VIT: variants seen among roughly 807,000 people sequenced by gnomAD.
VIT encodes the protein vitrin.
VIT carries 99 observed loss-of-function variants against 78.0 expected under a neutral mutation model. That is an observed-to-expected ratio of 1.27 (90% CI 1.08 to 1.50). The LOEUF (loss-of-function observed/expected upper bound fraction) is 1.50. Among genes scored for constraint, VIT ranks in the 40% most tolerant of loss-of-function variants. The pLI, the probability that VIT is intolerant of heterozygous loss-of-function variation, is 0.00. For synonymous variants in VIT, 374 were observed against 334.3 expected (o/e 1.12, Z -1.29); for missense variants, 1,126 against 875.3 (o/e 1.29, Z -3.61).
intron 1 of VIT, among the ~76,000 whole-genome samples, chr2:36,699,514 G>A (rs1664889285): frequency 2.0e-5 from 1 of 49,596 alleles, no homozygotes; most frequent in African/African-American, 4.6e-5. Flanking sequence ...AATTAGAGGG[G>A]GTTATATATA....
At chr2:36,768,068 G>A (rs375506109) in intron 7 of VIT, among the ~76,000 whole-genome samples, 2 of 152,136 alleles carry the variant, frequency 1.3e-5, no homozygotes, top group African/African-American at 2.4e-5. Flanking sequence ...CTGCCACATA[G>A]CATGACCCTT....
At chr2:36,800,511 C>G (rs530363778) in intron 12 of VIT, among the ~76,000 whole-genome samples, 119 of 152,302 alleles carry the variant, frequency 7.8e-4, no homozygotes, top group African/African-American at 2.7e-3. Context: ...GCATGGAGCC[C>G]TGTGTGACTG....
At chr2:36,711,537 T>A (rs1665797547) in intron 1 of VIT, among the ~76,000 whole-genome samples, 1 of 152,170 alleles carries the variant, frequency 6.6e-6, no homozygotes, top group Admixed American at 6.5e-5. Flanking sequence ...CTCAGTTCCC[T>A]TATCTTTAAA....
chr2:36,735,020 C>G (rs778523075), intron 3 of VIT, among the ~76,000 whole-genome samples: 1 of 151,942 alleles, frequency 6.6e-6, no homozygotes, highest in Non-Finnish European at 1.5e-5. Flanking sequence ...AAAAATTTGC[C>G]GGGCGTGGTG....
chr2:36,748,622 T>A (rs959695249), intron 4 of VIT, among the ~76,000 whole-genome samples: 37 of 152,232 alleles, frequency 2.4e-4, no homozygotes, highest in African/African-American at 8.4e-4. Flanking sequence ...CTATGTAGTC[T>A]TTCAAGTCTT....
At chr2:36,699,341 CA>C (rs1664875430) in intron 1 of VIT, among the ~76,000 whole-genome samples, 1 of 152,016 alleles carries the variant, frequency 6.6e-6, no homozygotes, top group East Asian at 1.9e-4. Flanking sequence ...AAAATGTGGC[CA>C]GGAAAATTTC....
intron 10 of VIT, among the ~76,000 whole-genome samples, chr2:36,782,728 TCACACACA>T (rs1182791446): frequency 6.6e-6 from 1 of 152,232 alleles, no homozygotes; most frequent in Non-Finnish European, 1.5e-5. Context: ...GAAATGCAAC[TCACACACA>T]CAGCTTCTGA....
At position 36,787,302 on chromosome 2, in the gene VIT, C is replaced by A. The variant is rs766338333; in HGVS notation, c.1058+26C>A. On this transcript the variant is annotated intron_variant, in intron 12 of 15. Transcript: ENST00000379242. ...GTAAGTGCAGTTAATGTTCTGAATC[C>A]AGAAAGGAAGTCATGCCATGTGCTT... 3.3e-5 allele frequency: 52 copies of A among 1,596,332 alleles called. No homozygotes were observed. In the South Asian group the frequency reaches 5.4e-4, roughly 17 times the overall value.
chr2:36,774,566 CAT>C, intron 8 of VIT: 1 of 985,452 alleles, frequency 1.0e-6, no homozygotes, highest in Non-Finnish European at 1.2e-6. Context: ...CCACTCTCCA[CAT>C]GTTCTTAGAA....
chr2:36,771,525 CAAAAA>C (rs1228263784), intron 7 of VIT, among the ~76,000 whole-genome samples: 1 of 66,142 alleles, frequency 1.5e-5, no homozygotes, highest in African/African-American at 6.7e-5. Context: ...GACTTCATCT[CAAAAA>C]AAAAAAAGAA....
chr2:36,794,142 G>T (rs76826712), intron 12 of VIT, among the ~76,000 whole-genome samples: 4,326 of 152,222 alleles, frequency 0.028, 201 homozygotes, highest in East Asian at 0.18. Context: ...TTAAACCCTT[G>T]CAGCGTAGCC....
At chr2:36,725,841 G>C (rs1427596264) in intron 2 of VIT, among the ~76,000 whole-genome samples, 1 of 152,106 alleles carries the variant, frequency 6.6e-6, no homozygotes, top group Non-Finnish European at 1.5e-5. Flanking sequence ...AGAGGCCGGG[G>C]CAGGAGGATC....
At chr2:36,777,617 C>G (rs1213479231) in intron 9 of VIT, among the ~76,000 whole-genome samples, 2 of 152,102 alleles carry the variant, frequency 1.3e-5, no homozygotes, top group African/African-American at 2.4e-5. Flanking sequence ...GCTTGCAATA[C>G]CTAAAGTCGC....
At chr2:36,745,128 G>T (rs968865234) in intron 4 of VIT, among the ~76,000 whole-genome samples, 1 of 152,098 alleles carries the variant, frequency 6.6e-6, no homozygotes, top group Admixed American at 6.6e-5. Context: ...GATAGTTGCA[G>T]GTGTATGGCT....
chr2:36,802,283 T>C (rs1246247068), intron 13 of VIT, among the ~76,000 whole-genome samples: 3 of 152,184 alleles, frequency 2.0e-5, no homozygotes, highest in African/African-American at 7.2e-5. Context: ...TATTCATTTG[T>C]AAATGAAAGA....
intron 15 of VIT, among the ~76,000 whole-genome samples, chr2:36,812,854 T>G (rs1175032981): frequency 1.5e-5 from 2 of 133,296 alleles, no homozygotes; most frequent in Non-Finnish European, 3.1e-5. Context: ...TTTTGTTTTT[T>G]CTTCTTCTTT....
rs958130255 is a variant in VIT, at chr2:36,773,602, G to A, written c.680-189G>A. Among the ~76,000 whole-genome samples the A allele has an allele frequency of 5.3e-5, 8 of 152,116 alleles. No individual in the cohort carries two copies. In the South Asian group the frequency reaches 6.2e-4, roughly 12 times the overall value. On this transcript the variant is annotated intron_variant, in intron 7 of 15. Coordinates refer to ENST00000379242, the MANE Select transcript of VIT (RefSeq NM_053276.4). ...AAAAATTAGTTGAGCCTAGTGGTAC[G>A]CACCTGTAATCCCAGCTACTCGGGA...
chr2:36,705,587 G>A (rs993449977), intron 1 of VIT, among the ~76,000 whole-genome samples: 1 of 152,164 alleles, frequency 6.6e-6, no homozygotes, highest in African/African-American at 2.4e-5. Context: ...TACATCAGCT[G>A]TGTACATGGA....
At chr2:36,703,687 A>T (rs563057827) in intron 1 of VIT, among the ~76,000 whole-genome samples, 1 of 152,264 alleles carries the variant, frequency 6.6e-6, no homozygotes, top group South Asian at 2.1e-4. Context: ...TTTATTATAG[A>T]AGGTATGTAC....
Sources: allele counts gnomAD v4.1 joint callset (sites outside exome capture counted in the v4.1 genomes callset), GRCh38; gene constraint gnomAD v4.1.1; transcripts MANE v1.5; gene names NCBI Gene and HGNC (gene_info 2026-07-23, HGNC 2026-07-21).